MACROD2: variants seen among roughly 807,000 people sequenced by gnomAD.
The protein encoded by MACROD2 is ADP-ribose glycohydrolase MACROD2.
In MACROD2, 36 loss-of-function variants were observed where a neutral mutation model predicts 70.4. That is an observed-to-expected ratio of 0.51 (90% CI 0.39 to 0.68). MACROD2 has a LOEUF of 0.68. Among genes scored for constraint, MACROD2 ranks in the 30% least tolerant of loss-of-function variants. The probability of loss-of-function intolerance (pLI) is 0.00; values close to 1 mark genes in which losing one functional copy is unlikely to be tolerated. For missense variants in MACROD2, 496 were observed against 538.4 expected, an observed-to-expected ratio of 0.92 and a Z score of 0.78; for synonymous variants, 172 against 178.8, an observed-to-expected ratio of 0.96 and a Z score of 0.30.
chr20:14,616,641 G>T (rs1393289003), intron 4 of MACROD2, among the ~76,000 whole-genome samples: 2 of 152,088 alleles, frequency 1.3e-5, no homozygotes, highest in Non-Finnish European at 2.9e-5. Context: ...GTCCTGGAAT[G>T]ATATAAATAC....
At chr20:14,631,163 C>T (rs936367280) in intron 4 of MACROD2, among the ~76,000 whole-genome samples, 3 of 152,078 alleles carry the variant, frequency 2.0e-5, no homozygotes, top group African/African-American at 7.2e-5. Flanking sequence ...AGAATGGAAT[C>T]GCTGTGCCAC....
At chr20:14,085,399 A>G (rs1232675994) in intron 2 of MACROD2, among the ~76,000 whole-genome samples, 1 of 152,050 alleles carries the variant, frequency 6.6e-6, no homozygotes, top group Non-Finnish European at 1.5e-5. Flanking sequence ...TAACATGCTA[A>G]AGTTTTATTG....
chr20:14,481,453 G>A (rs1267858503), intron 3 of MACROD2, among the ~76,000 whole-genome samples: 1 of 152,060 alleles, frequency 6.6e-6, no homozygotes, highest in Non-Finnish European at 1.5e-5. Context: ...AATAATGTTA[G>A]TAAATAATAT....
chr20:15,535,991 G>A (rs16995918), intron 8 of MACROD2, among the ~76,000 whole-genome samples: 15,659 of 152,176 alleles, frequency 0.1, 911 homozygotes, highest in South Asian at 0.17. Flanking sequence ...AATTTGAGGT[G>A]TCACAGTGGA....
At chr20:15,298,783 A>G (rs6043185) in intron 6 of MACROD2, among the ~76,000 whole-genome samples, 38,991 of 152,056 alleles carry the variant, frequency 0.26, 5,364 homozygotes, top group African/African-American at 0.35. Context: ...ACCAGTTACC[A>G]GGTGCCTCCT....
At chr20:15,244,292 G>A (rs2077086352) in intron 6 of MACROD2, among the ~76,000 whole-genome samples, 1 of 152,190 alleles carries the variant, frequency 6.6e-6, no homozygotes, top group Non-Finnish European at 1.5e-5. Flanking sequence ...TGGTTAATGA[G>A]ACTTAAGAAA....
At chr20:14,052,535 T>G (rs2053581209) in intron 2 of MACROD2, among the ~76,000 whole-genome samples, 1 of 152,180 alleles carries the variant, frequency 6.6e-6, no homozygotes, top group Non-Finnish European at 1.5e-5. Flanking sequence ...CATGAAGATG[T>G]TAACAATGCT....
chr20:14,308,299 G>A (rs2082537271), intron 3 of MACROD2, among the ~76,000 whole-genome samples: 1 of 152,038 alleles, frequency 6.6e-6, no homozygotes, highest in African/African-American at 2.4e-5. Context: ...TCCTTATGTC[G>A]ATTCTTTGAA....
In MACROD2 at chr20:14,365,327, A is replaced by G. The variant is rs116614852; in HGVS notation, c.272-128152A>G. 2.4e-3 allele frequency among the ~76,000 whole-genome samples: 372 copies of G among 151,886 alleles called. 1 individual carries two copies. Among genetic ancestry groups the G allele is most frequent in the African/African-American group, 8.7e-3 (359 of 41,490 alleles). On this transcript the variant is annotated intron_variant, in intron 3 of 17. Coordinates refer to ENST00000684519, the MANE Select transcript of MACROD2 (RefSeq NM_001351661.2). ...ATTGAGAAATAAAGCTTAGAGAAAT[A>G]AAAGTGGGATAAATAAATGAAATAA...
rs181388153 is a variant in MACROD2 at position 14,144,039 on chromosome 20, T to A, written c.271+58311T>A. ...ATCTTTGTTTTTTATGAACTCATAT[T>A]TTTTAGGAGATTTTAGGGAGAAAAA... On this transcript the variant is annotated intron_variant, in intron 3 of 17. Coordinates refer to ENST00000684519, the MANE Select transcript of MACROD2 (RefSeq NM_001351661.2). 4.6e-5 allele frequency among the ~76,000 whole-genome samples: 7 copies of A among 152,254 alleles called. No homozygotes were observed. In the East Asian group the frequency reaches 1.4e-3, roughly 29 times the overall value.
intron 5 of MACROD2, among the ~76,000 whole-genome samples, chr20:14,717,086 G>A (rs2123675225): frequency 6.6e-6 from 1 of 152,124 alleles, no homozygotes; most frequent in East Asian, 1.9e-4. Context: ...TTCTGATTTT[G>A]TGTCGACTAA....
intron 4 of MACROD2, among the ~76,000 whole-genome samples, chr20:14,642,432 T>C (rs1720650192): frequency 6.6e-6 from 1 of 152,146 alleles, no homozygotes; most frequent in Non-Finnish European, 1.5e-5. Context: ...CGCATTCACA[T>C]CATGGGTAAC....
chr20:15,812,546 A>G (rs962689260), intron 8 of MACROD2, among the ~76,000 whole-genome samples: 8 of 151,040 alleles, frequency 5.3e-5, no homozygotes, highest in African/African-American at 2.0e-4. Flanking sequence ...AAGGGAATCC[A>G]GTTCTTGGTA....
chr20:14,178,621 G>C (rs2081282772), intron 3 of MACROD2, among the ~76,000 whole-genome samples: 1 of 151,526 alleles, frequency 6.6e-6, no homozygotes, highest in Non-Finnish European at 1.5e-5. Flanking sequence ...CAGCAGAGTA[G>C]TATGGATGAG....
intron 4 of MACROD2, among the ~76,000 whole-genome samples, chr20:14,608,561 C>T (rs534125716): frequency 6.6e-6 from 1 of 152,260 alleles, no homozygotes; most frequent in Admixed American, 6.5e-5. Flanking sequence ...TTCATTTATT[C>T]ATTTAACTGA....
At chr20:15,370,622 G>T (rs1412694461) in intron 6 of MACROD2, among the ~76,000 whole-genome samples, 1 of 151,940 alleles carries the variant, frequency 6.6e-6, no homozygotes, top group African/African-American at 2.4e-5. Context: ...AGAAGTAAAT[G>T]GCAAATTCAC....
intron 5 of MACROD2, among the ~76,000 whole-genome samples, chr20:14,737,109 C>T (rs936751925): frequency 6.6e-6 from 1 of 152,222 alleles, no homozygotes; most frequent in African/African-American, 2.4e-5. Flanking sequence ...CCCCTAGCCC[C>T]CACCACCCAA....
intron 5 of MACROD2, among the ~76,000 whole-genome samples, chr20:14,781,255 A>T (rs1286163496): frequency 1.3e-5 from 2 of 151,912 alleles, no homozygotes; most frequent in Non-Finnish European, 1.5e-5. Context: ...TATGAGTTCA[A>T]CTTTTAAAAG....
intron 5 of MACROD2, among the ~76,000 whole-genome samples, chr20:14,944,797 C>T (rs1379915733): frequency 6.6e-6 from 1 of 152,130 alleles, no homozygotes; most frequent in Non-Finnish European, 1.5e-5. Context: ...CCATAAGCCA[C>T]TGAGAACCAC....
Sources: allele counts gnomAD v4.1 joint callset (sites outside exome capture counted in the v4.1 genomes callset), GRCh38; gene constraint gnomAD v4.1.1; transcripts MANE v1.5; gene names NCBI Gene and HGNC (gene_info 2026-07-23, HGNC 2026-07-21).